The following CADPS2 variants were observed in gnomAD, a reference collection of about 807,000 sequenced individuals.
The protein encoded by CADPS2 is calcium dependent secretion activator 2.
In CADPS2, 93 loss-of-function variants were observed where a neutral mutation model predicts 172.5. The observed-to-expected ratio is 0.54, with a 90% CI of 0.46 to 0.64. The LOEUF (loss-of-function observed/expected upper bound fraction) is 0.64, where lower values mean the gene tolerates loss of function less well. Among genes scored for constraint, CADPS2 ranks in the 30% least tolerant of loss-of-function variants. The pLI is 0.00. For missense variants in CADPS2, 1,420 were observed against 1,565.9 expected (o/e 0.91, Z 1.57); for synonymous variants, 546 against 555.2 (o/e 0.98, Z 0.23).
At chr7:122,365,151 T>C (rs2040691670) in intron 25 of CADPS2, among the ~76,000 whole-genome samples, 1 of 152,216 alleles carries the variant, frequency 6.6e-6, no homozygotes, top group African/African-American at 2.4e-5. Flanking sequence ...TTGGCTTATA[T>C]ACAAGTTAGT....
rs1314804702 is a variant in CADPS2 at position 122,318,568 on chromosome 7, G to C, written c.*1597C>G. On this transcript the variant is annotated 3_prime_UTR_variant, in exon 30 of 30. Transcript: ENST00000449022. ...GCATGACTGGACATTTGAGGGTTTG[G>C]AGAAAATAGTATTTGGTGTGTGAAT... 6.6e-6 allele frequency: 1 copy of C among 152,262 alleles called. No homozygotes were observed. Among genetic ancestry groups the C allele is most frequent in the East Asian group, 1.9e-4 (1 of 5,206 alleles). The allele number at this position is 152,262 out of a possible 1,614,324, so 9.4% of individuals were successfully genotyped here.
intron 8 of CADPS2, among the ~76,000 whole-genome samples, chr7:122,524,501 G>C (rs988802096): frequency 5.3e-5 from 8 of 152,128 alleles, no homozygotes; most frequent in African/African-American, 1.9e-4. Context: ...AGGAGGTACT[G>C]TGAAGAAAAA....
chr7:122,725,521 T>C (rs1411396500), intron 2 of CADPS2, among the ~76,000 whole-genome samples: 1 of 150,684 alleles, frequency 6.6e-6, no homozygotes, highest in Admixed American at 6.6e-5. Flanking sequence ...ACGTACCCAA[T>C]AGGTAGTATT....
At chr7:122,817,426 ATTCCT>A (rs1289613542) in intron 1 of CADPS2, among the ~76,000 whole-genome samples, 2 of 151,540 alleles carry the variant, frequency 1.3e-5, no homozygotes, top group Non-Finnish European at 2.9e-5. Context: ...CTTAATTTCA[ATTCCT>A]TTCATTTTCT....
chr7:122,698,282 G>A, intron 2 of CADPS2: 3 of 1,613,998 alleles, frequency 1.9e-6, no homozygotes, highest in Non-Finnish European at 2.5e-6. Context: ...GCTAAACAAA[G>A]TCTATGAATG....
intron 12 of CADPS2, among the ~76,000 whole-genome samples, chr7:122,475,187 G>C (rs548110789): frequency 6.6e-6 from 1 of 152,234 alleles, no homozygotes; most frequent in African/African-American, 2.4e-5. Context: ...TTTATCAAAA[G>C]GCAAGCTTTT....
At position 122,814,367 on chromosome 7, in the gene CADPS2, C is replaced by A. The variant is rs56003675; in HGVS notation, c.339+71632G>T. ...TTTTTGATACATCAAATGGATTACT[C>A]AGAGAAGCATCTGAATCACACCACT... On this transcript the variant is annotated intron_variant, in intron 1 of 29. Coordinates refer to ENST00000449022, the MANE Select transcript of CADPS2 (RefSeq NM_017954.11). 7.1e-3 allele frequency among the ~76,000 whole-genome samples: 1,073 copies of A among 152,046 alleles called. 14 individuals carry two copies. Among genetic ancestry groups the A allele is most frequent in the African/African-American group, 0.025 (1,038 of 41,518 alleles).
chr7:122,747,149 A>G (rs922520104), intron 1 of CADPS2, among the ~76,000 whole-genome samples: 3 of 152,154 alleles, frequency 2.0e-5, no homozygotes, highest in African/African-American at 7.2e-5. Flanking sequence ...TTGAAGAGAA[A>G]TAGAAACTTT....
chr7:122,634,094 T>C (rs7793961), intron 3 of CADPS2, among the ~76,000 whole-genome samples: 26,543 of 152,162 alleles, frequency 0.17, 2,371 homozygotes, highest in Admixed American at 0.24. Flanking sequence ...TAGTATTGTA[T>C]TGAGGAGTTT....
At chr7:122,710,181 G>A (rs1208859461) in intron 2 of CADPS2, among the ~76,000 whole-genome samples, 2 of 151,846 alleles carry the variant, frequency 1.3e-5, no homozygotes, top group Admixed American at 6.6e-5. Context: ...CTCTGAGTGA[G>A]TCTGTGGTTA....
At chr7:122,869,363 T>C (rs1301763920) in intron 1 of CADPS2, among the ~76,000 whole-genome samples, 1 of 152,132 alleles carries the variant, frequency 6.6e-6, no homozygotes, top group African/African-American at 2.4e-5. Flanking sequence ...AAGGAACTTC[T>C]ATAACACTAC....
intron 9 of CADPS2, among the ~76,000 whole-genome samples, chr7:122,511,381 A>G (rs1235866287): frequency 6.6e-6 from 1 of 152,138 alleles, no homozygotes; most frequent in Non-Finnish European, 1.5e-5. Context: ...AAGGGGCAAA[A>G]GATTACTTGG....
chr7:122,787,364 C>G (rs1794286796), intron 1 of CADPS2, among the ~76,000 whole-genome samples: 1 of 152,208 alleles, frequency 6.6e-6, no homozygotes, highest in Non-Finnish European at 1.5e-5. Context: ...AACCACAGGT[C>G]TACCAGCTAG....
intron 27 of CADPS2, among the ~76,000 whole-genome samples, chr7:122,352,104 T>C (rs2151046252): frequency 6.6e-6 from 1 of 152,330 alleles, no homozygotes; most frequent in African/African-American, 2.4e-5. Flanking sequence ...CTATTTCTGA[T>C]CTACGGTTAG....
At chr7:122,649,287 T>C (rs1212256729) in intron 3 of CADPS2, among the ~76,000 whole-genome samples, 4 of 152,086 alleles carry the variant, frequency 2.6e-5, no homozygotes, top group Admixed American at 2.6e-4. Context: ...AAACTCAGAA[T>C]TACTGTTTTC....
At chr7:122,589,793 C>T (rs2070451712) in intron 6 of CADPS2, among the ~76,000 whole-genome samples, 1 of 151,758 alleles carries the variant, frequency 6.6e-6, no homozygotes, top group African/African-American at 2.4e-5. Flanking sequence ...GAAGGGTGCC[C>T]ACTAATAATG....
chr7:122,802,070 T>C (rs2139974416), intron 1 of CADPS2, among the ~76,000 whole-genome samples: 1 of 152,308 alleles, frequency 6.6e-6, no homozygotes, highest in Middle Eastern at 3.4e-3. Flanking sequence ...ATAAGATGTC[T>C]AAACAGTGTC....
In CADPS2 at chr7:122,656,852, C is replaced by G. The variant is rs546148841; in HGVS notation, c.786+6385G>C. On this transcript the variant is annotated intron_variant, in intron 3 of 29. Transcript: ENST00000449022. Reference sequence around the variant, plus strand: ...TCAATTTTGGCTTTTGACGCCATTGCTTCTGGTGTTTTAGACATGAAGTCC... The same window carrying G: ...TCAATTTTGGCTTTTGACGCCATTGGTTCTGGTGTTTTAGACATGAAGTCC... Among the ~76,000 whole-genome samples the G allele has an allele frequency of 2.0e-5, 3 of 152,344 alleles. No individual in the cohort carries two copies. In the East Asian group the frequency reaches 5.8e-4, roughly 29 times the overall value.
Position 122,538,364 on chromosome 7 carries a change from T to G in CADPS2, c.1475+16186A>C, listed in dbSNP as rs1463088170. On this transcript the variant is annotated intron_variant, in intron 8 of 29. Transcript: ENST00000449022. Reference sequence around the variant, plus strand: ...AGGAGAAGCTTAATTAGGTTTTTTGTTTTTTTTTTTTAAAAACACAAGGAG... The same window carrying G: ...AGGAGAAGCTTAATTAGGTTTTTTGGTTTTTTTTTTTAAAAACACAAGGAG... Among the ~76,000 whole-genome samples the G allele has an allele frequency of 6.3e-5, 8 of 127,496 alleles. No homozygotes were observed. The East Asian group carries it at 1.6e-3, about 26-fold the overall frequency. The allele number at this position is 127,496 out of a possible 152,430, so 83.6% of individuals were successfully genotyped here.
Sources: allele counts gnomAD v4.1 joint callset (sites outside exome capture counted in the v4.1 genomes callset), GRCh38; gene constraint gnomAD v4.1.1; transcripts MANE v1.5; gene names NCBI Gene and HGNC (gene_info 2026-07-23, HGNC 2026-07-21).